Variants in NR5A1 observed in about 807,000 individuals in gnomAD.
The protein encoded by NR5A1 is steroidogenic factor 1.
A neutral mutation model predicts 42.7 loss-of-function variants in NR5A1; 6 were observed. The ratio of observed to expected loss-of-function variants is 0.14; its 90% confidence interval spans 0.08 to 0.28. The LOEUF (loss-of-function observed/expected upper bound fraction) is 0.28, where lower values mean the gene tolerates loss of function less well. NR5A1 is among the 10% of genes least tolerant of loss of function. NR5A1 has a pLI of 1.00. For synonymous variants in NR5A1, 274 were observed against 277.5 expected, an observed-to-expected ratio of 0.99 and a Z score of 0.12; for missense variants, 442 against 626.4, an observed-to-expected ratio of 0.71 and a Z score of 3.14.
At chr9:124,495,963 G>A (rs1832385481) in intron 4 of NR5A1, among the ~76,000 whole-genome samples, 1 of 152,198 alleles carries the variant, frequency 6.6e-6, no homozygotes, top group Non-Finnish European at 1.5e-5. Context: ...TTGTGAAGCA[G>A]GAAATGTAAT....
chr9:124,505,422 C>T (rs930546149), intron 1 of NR5A1, among the ~76,000 whole-genome samples: 1 of 152,214 alleles, frequency 6.6e-6, no homozygotes, highest in African/African-American at 2.4e-5. Flanking sequence ...CACATCTCCT[C>T]ACTCGAGCCT....
At position 124,500,732 on chromosome 9, in the gene NR5A1, A is replaced by C. The variant is rs1832459121; in HGVS notation, c.245-17T>G. 1 of 1,612,434 alleles carries C rather than the reference A, an allele frequency of 6.2e-7. No individual in the cohort carries two copies. Among genetic ancestry groups the C allele is most frequent in the African/African-American group, 1.3e-5 (1 of 75,040 alleles). ...CGCGCACGGCTGTGGGCAGGGGCAG[A>C]GGGTCAGACTCACCCTCTCTAAGCC... On this transcript the variant is annotated splice_polypyrimidine_tract_variant and intron_variant, in intron 3 of 6. Coordinates refer to ENST00000373588, the MANE Select transcript of NR5A1 (RefSeq NM_004959.5). The surrounding 1 kb of genome is among the most constrained non-coding windows in gnomAD (Gnocchi z 6.9).
At chr9:124,505,330 G>T (rs753729836) in intron 1 of NR5A1, among the ~76,000 whole-genome samples, 1 of 152,226 alleles carries the variant, frequency 6.6e-6, no homozygotes, top group Non-Finnish European at 1.5e-5. Context: ...GCACTACAGC[G>T]TGGAAGTGGG....
chr9:124,503,695 G>A lies in NR5A1; in HGVS notation c.-15-285C>T, dbSNP rs921095580. Among the ~76,000 whole-genome samples the A allele has an allele frequency of 7.2e-5, 11 of 152,248 alleles. No individual in the cohort carries two copies. Among genetic ancestry groups the A allele is most frequent in the Non-Finnish European group, 1.6e-4 (11 of 68,036 alleles). ...GATCTGGGGCCCTCGGGTTCGATGC[G>A]CTTCGATTGGGATTCGTTTGTCTGA... On this transcript the variant is annotated intron_variant, in intron 1 of 6. Transcript: ENST00000373588. The surrounding 1 kb of genome is among the most constrained non-coding windows in gnomAD (Gnocchi z 9.6).
At chr9:124,485,285 C>T (rs1165998831) in intron 6 of NR5A1, among the ~76,000 whole-genome samples, 1 of 152,130 alleles carries the variant, frequency 6.6e-6, no homozygotes, top group Non-Finnish European at 1.5e-5. Flanking sequence ...GGTCATCCAC[C>T]CACTTCTCCT....
At chr9:124,495,789 C>T (rs1832382878) in intron 4 of NR5A1, among the ~76,000 whole-genome samples, 1 of 152,158 alleles carries the variant, frequency 6.6e-6, no homozygotes, top group Admixed American at 6.5e-5. Context: ...TGGGAGCAGG[C>T]TCTGTACCCA....
chr9:124,506,748 G>T (rs1469858375), intron 1 of NR5A1, among the ~76,000 whole-genome samples: 1 of 152,138 alleles, frequency 6.6e-6, no homozygotes, highest in Non-Finnish European at 1.5e-5. Flanking sequence ...CCAGCCCACC[G>T]CCTGGGGAGT....
At chr9:124,504,202 G>A (rs1411998453) in intron 1 of NR5A1, among the ~76,000 whole-genome samples, 2 of 152,114 alleles carry the variant, frequency 1.3e-5, no homozygotes, top group African/African-American at 2.4e-5. Context: ...CGAGACGAGA[G>A]GAGCCCCGGA....
intron 4 of NR5A1, among the ~76,000 whole-genome samples, chr9:124,493,508 T>C (rs1178826383): frequency 6.6e-6 from 1 of 152,240 alleles, no homozygotes; most frequent in Non-Finnish European, 1.5e-5. Flanking sequence ...GTGACTAATG[T>C]CCATGCAGGT....
intron 6 of NR5A1, 97 bp from the exon 7 acceptor site, chr9:124,483,102 A>G (rs1286736333): frequency 6.2e-7 from 1 of 1,601,090 alleles, no homozygotes; most frequent in Admixed American, 1.7e-5. Context: ...CACCTTCCCT[A>G]TGACCATCAA....
In NR5A1 at chr9:124,482,477, G is replaced by A; in HGVS notation, c.*281C>T. 1 of 481,032 alleles carries A rather than the reference G, an allele frequency of 2.1e-6. No individual in the cohort carries two copies. The highest frequency in any genetic ancestry group is 2.0e-5 in the South Asian group (1 of 49,404). 29.8% of individuals were successfully genotyped at this position (481,032 alleles called of 1,614,324 possible). On this transcript the variant is annotated 3_prime_UTR_variant, in exon 7 of 7. Coordinates refer to ENST00000373588, the MANE Select transcript of NR5A1 (RefSeq NM_004959.5). ...CTCCAGGAGAGAGAGCTGGGAGCAGGGAGGGGGCGGGGCGGGTGGTTAACA... is the reference window on the plus strand; with the variant it reads ...CTCCAGGAGAGAGAGCTGGGAGCAGAGAGGGGGCGGGGCGGGTGGTTAACA...
chr9:124,502,415 G>C (rs928548), intron 3 of NR5A1, among the ~76,000 whole-genome samples: 2 of 151,730 alleles, frequency 1.3e-5, no homozygotes, highest in South Asian at 2.1e-4. Context: ...CTGCAGCCTC[G>C]ACTTTCCAGG....
intron 1 of NR5A1, among the ~76,000 whole-genome samples, chr9:124,504,668 G>C (rs556092949): frequency 3.3e-5 from 5 of 150,558 alleles, no homozygotes; most frequent in Non-Finnish European, 5.9e-5. Flanking sequence ...GGCTGCGGTC[G>C]GCCCGGCGCC....
Position 124,503,476 on chromosome 9 carries a change from C to G in NR5A1, c.-15-66G>C. On this transcript the variant is annotated intron_variant, in intron 1 of 6. Coordinates refer to ENST00000373588, the MANE Select transcript of NR5A1 (RefSeq NM_004959.5). This position sits in a 1 kb window ranked among gnomAD's most constrained non-coding sequence, Gnocchi z 9.6. ...GGCAGCCTGGGGTCCCCGCGGCCGC[C>G]GCCCCAGCCGCTGTCGCCGGCCCGT... is the stretch of plus-strand genomic sequence containing the variant. 7.5e-7 allele frequency: 1 copy of G among 1,335,856 alleles called. No individual in the cohort carries two copies. Among genetic ancestry groups the G allele is most frequent in the Non-Finnish European group, 1.0e-6 (1 of 978,592 alleles). The allele number at this position is 1,335,856 out of a possible 1,614,324, so 82.8% of individuals were successfully genotyped here. A position where few individuals can be genotyped will look rare whatever the true frequency, so the allele number is the denominator to read the frequency against.
chr9:124,491,036 C>CCCCCCCGGGGGGG, intron 6 of NR5A1, 45 bp downstream of exon 6: 96 of 1,401,412 alleles, frequency 6.9e-5, no homozygotes, highest in Non-Finnish European at 8.3e-5. Context: ...CCCACCCACC[C>CCCCCCCGGGGGGG]GCCTCTGGCT....
At chr9:124,497,827 C>T (rs1832409119) in intron 4 of NR5A1, among the ~76,000 whole-genome samples, 1 of 152,252 alleles carries the variant, frequency 6.6e-6, no homozygotes, top group African/African-American at 2.4e-5. Context: ...TCTGCTGTGC[C>T]CACTGCCTGG....
chr9:124,493,019 G>A lies in NR5A1; in HGVS notation c.990+11C>T, dbSNP rs1338580834. 2 of 1,583,662 alleles carry A rather than the reference G, an allele frequency of 1.3e-6. No individual in the cohort carries two copies. The highest frequency in any genetic ancestry group is 1.7e-6 in the Non-Finnish European group (2 of 1,165,990). On this transcript the variant is annotated intron_variant, in intron 5 of 6. Transcript: ENST00000373588. ...GGCGGGGCCCAGGGGCGGGGCCGAG[G>A]GACTGGTCACCTCCTGCCCGGTGAC...
rs1169181101 is a variant in NR5A1, at chr9:124,500,417, A to G, written c.543T>C (p.Ala181=). The G allele has an allele frequency of 2.6e-6, 4 of 1,567,386 alleles. No individual in the cohort carries two copies. Among genetic ancestry groups the G allele is most frequent in the Non-Finnish European group, 2.6e-6 (3 of 1,157,200 alleles). Residue 181 remains alanine, a synonymous_variant, in exon 4 of 7, where the codon GCT becomes GCC. Coordinates refer to ENST00000373588, the MANE Select transcript of NR5A1 (RefSeq NM_004959.5). The surrounding 1 kb of genome is among the most constrained non-coding windows in gnomAD (Gnocchi z 6.9). ...MAVPGAHGPL[A]GYLYPAFPGR... ...CAGGAAAGGCAGGGTAGAGGTAGCC[A>G]GCCAGTGGCCCGTGGGCACCGGGCA...
chr9:124,494,631 C>T (rs1220409056), intron 4 of NR5A1, among the ~76,000 whole-genome samples: 4 of 152,168 alleles, frequency 2.6e-5, no homozygotes, highest in Non-Finnish European at 4.4e-5. Context: ...AAGGTGCTCC[C>T]CAAGACAAGC....
Sources: gnomAD v4.1 joint callset for allele counts (sites outside exome capture counted in the v4.1 genomes callset) on GRCh38, gnomAD v4.1.1 for gene constraint, Gnocchi (gnomAD v3.1) non-coding constraint, MANE v1.5 for transcripts, NCBI Gene and HGNC (gene_info 2026-07-23, HGNC 2026-07-21) for gene names.